Variants in PDS5B observed in about 807,000 individuals in gnomAD.
PDS5B encodes sister chromatid cohesion protein PDS5 homolog B.
PDS5B carries 51 observed loss-of-function variants against 184.1 expected under a neutral mutation model. That is an observed-to-expected ratio of 0.28 (90% CI 0.22 to 0.35). PDS5B has a LOEUF of 0.35. Ranked by LOEUF, PDS5B falls within the 10% of genes least tolerant of loss-of-function variation. PDS5B has a pLI of 1.00. For synonymous variants in PDS5B, 566 were observed against 569.2 expected, an observed-to-expected ratio of 0.99 and a Z score of 0.08; for missense variants, 1,180 against 1,723.3, an observed-to-expected ratio of 0.68 and a Z score of 5.58.
intron 1 of PDS5B, among the ~76,000 whole-genome samples, chr13:32,589,540 T>G (rs976310140): frequency 3.9e-5 from 6 of 152,248 alleles, no homozygotes; most frequent in Non-Finnish European, 8.8e-5. Flanking sequence ...TGGCATTTAT[T>G]TATTCTTTGT....
At chr13:32,595,532 A>T (rs2057851386) in intron 1 of PDS5B, among the ~76,000 whole-genome samples, 1 of 152,232 alleles carries the variant, frequency 6.6e-6, no homozygotes, top group Non-Finnish European at 1.5e-5. Context: ...AAATAGTAAC[A>T]CATAGCATGG....
Position 32,658,321 on chromosome 13 carries a change from T to A in PDS5B, c.395T>A (p.Leu132His), listed in dbSNP as rs1950568336. The change falls in exon 4 of 35, where the codon CTT (leucine) becomes CAT (histidine). Residue 132 changes from leucine (L) to histidine (H), a missense_variant. Physicochemically the swap from Leu to His is moderately conservative, Grantham distance 99. This residue lies in a region of PDS5B where 22 missense variants were observed against 46.8 expected (regional missense o/e 0.47). Coordinates refer to ENST00000315596, the MANE Select transcript of PDS5B (RefSeq NM_015032.4). ...CAATTCAATAGGTATTTTTATTTACTTGAGGTAAGCAATATCTTGTATCTT... is the reference window on the plus strand; with the variant it reads ...CAATTCAATAGGTATTTTTATTTACATGAGGTAAGCAATATCTTGTATCTT... ...SPQFNRYFYL[L>H]ENIAWVKSYN... 6.7e-7 allele frequency: 1 copy of A among 1,489,780 alleles called. No individual in the cohort carries two copies. 92.3% of individuals were successfully genotyped at this position (1,489,780 alleles called of 1,614,324 possible). A position where few individuals can be genotyped will look rare whatever the true frequency, so the allele number is the denominator to read the frequency against.
intron 1 of PDS5B, among the ~76,000 whole-genome samples, chr13:32,635,911 A>G (rs1217918786): frequency 2.0e-5 from 3 of 150,998 alleles, no homozygotes; most frequent in South Asian, 2.1e-4. Context: ...TGGGACTACA[A>G]GTGCCCGCCA....
intron 1 of PDS5B, among the ~76,000 whole-genome samples, chr13:32,596,005 A>T (rs187805289): frequency 4.3e-4 from 66 of 152,348 alleles, no homozygotes; most frequent in African/African-American, 1.5e-3. Context: ...GTGACAACCC[A>T]AGACAAGGAA....
At chr13:32,687,864 G>A (rs1268313285) in intron 12 of PDS5B, among the ~76,000 whole-genome samples, 1 of 152,076 alleles carries the variant, frequency 6.6e-6, no homozygotes, top group Non-Finnish European at 1.5e-5. Flanking sequence ...GCCTGTAGCA[G>A]ATCAGAATGA....
At position 32,776,721 on chromosome 13, in the gene PDS5B, TAAAG is replaced by T. The variant is rs1331435602; in HGVS notation, c.*1672_*1675del. 6 of 152,500 alleles carry T rather than the reference TAAAG, an allele frequency of 3.9e-5. No homozygotes were observed. Among genetic ancestry groups the T allele is most frequent in the African/African-American group, 9.6e-5 (4 of 41,452 alleles). The allele number at this position is 152,500 out of a possible 1,614,324, so 9.4% of individuals were successfully genotyped here. A position where few individuals can be genotyped will look rare whatever the true frequency, so the allele number is the denominator to read the frequency against. ...TGGTTATAATAGATGGGGCATATAA[TAAAG>T]AAGCTACTATTTTGGAAAATGACAT... On this transcript the variant is annotated 3_prime_UTR_variant, in exon 35 of 35. Transcript: ENST00000315596.
intron 13 of PDS5B, 137 bp from the exon 14 acceptor site, chr13:32,694,086 G>T: frequency 1.7e-6 from 1 of 599,268 alleles, no homozygotes; most frequent in Non-Finnish European, 2.9e-6. Context: ...CACATTATCA[G>T]TTGCTTAGTC....
At chr13:32,744,973 G>T (rs1272163951) in intron 23 of PDS5B, among the ~76,000 whole-genome samples, 1 of 152,110 alleles carries the variant, frequency 6.6e-6, no homozygotes, top group Non-Finnish European at 1.5e-5. Context: ...TATTTAAGGA[G>T]TTACAACTTC....
chr13:32,595,875 G>A (rs1421994159), intron 1 of PDS5B, among the ~76,000 whole-genome samples: 1 of 152,198 alleles, frequency 6.6e-6, no homozygotes, highest in African/African-American at 2.4e-5. Context: ...GGAGGCCGAG[G>A]TGGGCTTCTT....
chr13:32,766,219 A>G (rs962791926), intron 31 of PDS5B, among the ~76,000 whole-genome samples: 4 of 152,186 alleles, frequency 2.6e-5, no homozygotes, highest in Non-Finnish European at 4.4e-5. Context: ...ACCCACACCT[A>G]TAGTGTACTA....
intron 33 of PDS5B, among the ~76,000 whole-genome samples, chr13:32,772,076 T>C (rs1239927398): frequency 2.0e-5 from 3 of 152,178 alleles, no homozygotes; most frequent in Non-Finnish European, 4.4e-5. Context: ...TTTCTTGTTC[T>C]GACCTCAGTG....
chr13:32,684,625 G>T (rs1951335457), intron 11 of PDS5B, among the ~76,000 whole-genome samples: 1 of 152,128 alleles, frequency 6.6e-6, no homozygotes, highest in African/African-American at 2.4e-5. Flanking sequence ...AATATATTAG[G>T]CACTCAGGAA....
rs118000404 is a variant in PDS5B, at chr13:32,754,163, A to G, written c.2941+627A>G. Reference sequence around the variant, plus strand: ...GCTATATTTTCACTTGGATTGTTGTATACATTGCCTCCCTGTTGTAATTGT... The same window carrying G: ...GCTATATTTTCACTTGGATTGTTGTGTACATTGCCTCCCTGTTGTAATTGT... On this transcript the variant is annotated intron_variant, in intron 25 of 34. Coordinates refer to ENST00000315596, the MANE Select transcript of PDS5B (RefSeq NM_015032.4). Among the ~76,000 whole-genome samples, 323 of 152,238 alleles carry G rather than the reference A, an allele frequency of 2.1e-3. 1 individual carries two copies. The South Asian group carries it at 0.024, about 11-fold the overall frequency.
intron 1 of PDS5B, among the ~76,000 whole-genome samples, chr13:32,626,824 T>C (rs1227610686): frequency 6.6e-6 from 1 of 152,212 alleles, no homozygotes; most frequent in African/African-American, 2.4e-5. Flanking sequence ...AGTAGCCTAA[T>C]AAGTATTTAT....
intron 1 of PDS5B, among the ~76,000 whole-genome samples, chr13:32,631,152 G>A (rs1396527136): frequency 1.5e-5 from 2 of 134,168 alleles, no homozygotes. Context: ...GTCTCACTCT[G>A]TTGCTTGGGC....
At chr13:32,697,030 T>C in intron 15 of PDS5B, 128 bp downstream of exon 15, 4 of 558,380 alleles carry the variant, frequency 7.2e-6, no homozygotes, top group South Asian at 6.7e-5. Flanking sequence ...TTTAGTGTCT[T>C]ACATGAGCTA....
intron 2 of PDS5B, among the ~76,000 whole-genome samples, chr13:32,651,446 A>G (rs1418492944): frequency 2.6e-5 from 4 of 152,244 alleles, no homozygotes; most frequent in Admixed American, 2.6e-4. Flanking sequence ...TTTTTAAAAA[A>G]GATGGTATTC....
At chr13:32,762,492 G>C (rs1207866410) in intron 30 of PDS5B, among the ~76,000 whole-genome samples, 1 of 152,138 alleles carries the variant, frequency 6.6e-6, no homozygotes, top group East Asian at 1.9e-4. Context: ...TAATACCAAA[G>C]TGACCCTTTA....
At chr13:32,664,965 T>G (rs1950746185) in intron 6 of PDS5B, among the ~76,000 whole-genome samples, 1 of 152,020 alleles carries the variant, frequency 6.6e-6, no homozygotes, top group African/African-American at 2.4e-5. Context: ...AGCCAAACAG[T>G]TTTGAAGAAG....
Sources: allele counts gnomAD v4.1 joint callset (sites outside exome capture counted in the v4.1 genomes callset), GRCh38; gene constraint gnomAD v4.1.1; regional missense constraint gnomAD v4.1.1; transcripts MANE v1.5; gene names NCBI Gene and HGNC (gene_info 2026-07-23, HGNC 2026-07-21).